The following SOX5 variants were observed in gnomAD, a reference collection of about 807,000 sequenced individuals.
SOX5 encodes the protein SRY-box transcription factor 5.
SOX5 carries 9 observed loss-of-function variants against 92.0 expected under a neutral mutation model. That is an observed-to-expected ratio of 0.10 (90% CI 0.06 to 0.17). SOX5 has a LOEUF of 0.17. Among genes scored for constraint, SOX5 ranks in the 10% least tolerant of loss-of-function variants. SOX5 has a pLI of 1.00. For missense variants in SOX5, 642 were observed against 944.5 expected (o/e 0.68, Z 4.20); for synonymous variants, 344 against 336.3 (o/e 1.02, Z -0.25).
intron 1 of SOX5, among the ~76,000 whole-genome samples, chr12:24,535,321 A>G (rs993015625): frequency 6.6e-6 from 1 of 152,160 alleles, no homozygotes; most frequent in African/African-American, 2.4e-5. Flanking sequence ...ATGAAAAACA[A>G]CCCTTCATAA....
At chr12:24,086,480 A>T (rs1175009902) in intron 4 of SOX5, among the ~76,000 whole-genome samples, 1 of 151,864 alleles carries the variant, frequency 6.6e-6, no homozygotes, top group African/African-American at 2.4e-5. Flanking sequence ...TTTGTAAATA[A>T]TGAGGGGCAG....
At chr12:23,845,174 G>A (rs185063781) in intron 3 of SOX5, among the ~76,000 whole-genome samples, 1 of 152,310 alleles carries the variant, frequency 6.6e-6, no homozygotes, top group African/African-American at 2.4e-5. Context: ...TATAAAGTAT[G>A]TCTGCACATC....
intron 9 of SOX5, among the ~76,000 whole-genome samples, chr12:23,594,756 C>T (rs1353747281): frequency 6.6e-6 from 1 of 152,048 alleles, no homozygotes; most frequent in African/African-American, 2.4e-5. Flanking sequence ...GACTCTTTAT[C>T]ATTCTCCTTC....
chr12:24,148,879 GAGGGA>G, intron 4 of SOX5, among the ~76,000 whole-genome samples: 1 of 151,776 alleles, frequency 6.6e-6, no homozygotes, highest in Admixed American at 6.6e-5. Context: ...GACAGAGGGA[GAGGGA>G]GACTGTCTCT....
intron 4 of SOX5, among the ~76,000 whole-genome samples, chr12:24,022,366 G>A (rs1379924601): frequency 6.6e-6 from 1 of 152,084 alleles, no homozygotes; most frequent in East Asian, 1.9e-4. Flanking sequence ...GAACTTAGGT[G>A]GCAAGGCAGA....
At chr12:23,552,731 C>T (rs1053360854) in intron 11 of SOX5, among the ~76,000 whole-genome samples, 3 of 151,912 alleles carry the variant, frequency 2.0e-5, no homozygotes, top group Admixed American at 1.3e-4. Flanking sequence ...ATTGAATGGG[C>T]TGTCTCAGGA....
intron 1 of SOX5, among the ~76,000 whole-genome samples, chr12:24,392,810 C>T (rs997324591): frequency 6.6e-5 from 10 of 152,046 alleles, no homozygotes; most frequent in Admixed American, 6.6e-4. Context: ...TGAATGAGTA[C>T]CCCAAAGGAA....
chr12:24,160,246 C>A (rs541194054), intron 4 of SOX5, among the ~76,000 whole-genome samples: 1 of 151,964 alleles, frequency 6.6e-6, no homozygotes, highest in East Asian at 1.9e-4. Context: ...TTAAATTTTA[C>A]AATATTCCTG....
At chr12:23,720,076 A>G (rs2092729953) in intron 6 of SOX5, among the ~76,000 whole-genome samples, 1 of 152,194 alleles carries the variant, frequency 6.6e-6, no homozygotes, top group Admixed American at 6.5e-5. Context: ...GTTAATCACA[A>G]AAAAGACTCA....
In SOX5 at chr12:23,693,840, C is replaced by G. The variant is rs1017832949; in HGVS notation, c.811-28276G>C. On this transcript the variant is annotated intron_variant, in intron 6 of 14. Coordinates refer to ENST00000451604, the MANE Select transcript of SOX5 (RefSeq NM_006940.6). ...AAACTATGCTTATTTTTCACAGAGA[C>G]TTAGAATTATTAAAACGTTTTTAAT... Among the ~76,000 whole-genome samples the G allele has an allele frequency of 3.3e-5, 5 of 152,246 alleles. 1 individual carries two copies. The highest frequency in any genetic ancestry group is 1.2e-4 in the African/African-American group (5 of 41,560).
chr12:23,672,335 T>C (rs995583351), intron 6 of SOX5, among the ~76,000 whole-genome samples: 1 of 152,184 alleles, frequency 6.6e-6, no homozygotes, highest in East Asian at 1.9e-4. Context: ...AAATATTGCA[T>C]TGAAGAACTC....
In SOX5 at chr12:23,823,883, G is replaced by A. The variant is rs12312920; in HGVS notation, c.481+22100C>T. Among the ~76,000 whole-genome samples the A allele has an allele frequency of 7.4e-3, 1,124 of 152,122 alleles. 8 individuals are homozygous for A. Among genetic ancestry groups the A allele is most frequent in the Middle Eastern group, 0.027 (8 of 294 alleles). On this transcript the variant is annotated intron_variant, in intron 3 of 14. Coordinates refer to ENST00000451604, the MANE Select transcript of SOX5 (RefSeq NM_006940.6). The stretch of plus-strand genomic sequence containing the variant: ...TTAAGTTGATCTTCAATCTCTGATA[G>A]CCTTTCTTTCGTTTATTTGATTCAG...
chr12:24,043,298 T>G (rs1386137634), intron 4 of SOX5, among the ~76,000 whole-genome samples: 1 of 152,168 alleles, frequency 6.6e-6, no homozygotes, highest in Non-Finnish European at 1.5e-5. Flanking sequence ...TAACTGGTAT[T>G]TATTTGGTAC....
rs114679142 is a variant in SOX5, at chr12:23,766,498, T to C, written c.482-10774A>G. ...ATATTTTGTTTGAATCCCAGGAATC[T>C]GAACTTTTCTAAGACTTAAGGTAAT... On this transcript the variant is annotated intron_variant, in intron 3 of 14. Transcript: ENST00000451604. Among the ~76,000 whole-genome samples, 1,243 of 152,270 alleles carry C rather than the reference T, an allele frequency of 8.2e-3. 15 individuals are homozygous for C. Among genetic ancestry groups the C allele is most frequent in the African/African-American group, 0.028 (1,152 of 41,562 alleles).
chr12:24,486,259 GTGAAA>G (rs1451605751), intron 1 of SOX5, among the ~76,000 whole-genome samples: 102 of 152,212 alleles, frequency 6.7e-4, no homozygotes, highest in African/African-American at 2.3e-3. Flanking sequence ...AGTAGATAAT[GTGAAA>G]CTCAAGGATC....
At chr12:24,324,262 A>G (rs892517095) in intron 2 of SOX5, among the ~76,000 whole-genome samples, 10 of 152,070 alleles carry the variant, frequency 6.6e-5, no homozygotes, top group African/African-American at 2.4e-4. Context: ...ACAATGTTCT[A>G]CTTTTCTGGG....
chr12:23,824,997 T>C (rs116721089), intron 3 of SOX5, among the ~76,000 whole-genome samples: 2,104 of 152,234 alleles, frequency 0.014, 52 homozygotes, highest in African/African-American at 0.048. Context: ...CAGTGAGAAT[T>C]AGATGCCAGT....
At position 24,538,679 on chromosome 12, in the gene SOX5, C is replaced by CT. The variant is rs199778600; in HGVS notation, c.-251+23649dup. ...CAGACTCTAATATTTTTTTCTTCCA[C>CT]TTAGAGCCTTTTAAGAAACAAAGTT... On this transcript the variant is annotated intron_variant, in intron 1 of 4. Coordinates refer to the SOX5 transcript ENST00000446891. 4.0e-3 allele frequency among the ~76,000 whole-genome samples: 600 copies of CT among 151,854 alleles called. 1 individual carries two copies. The Middle Eastern group carries it at 0.048, about 12-fold the overall frequency.
At chr12:24,290,978 A>G (rs1192721942) in intron 2 of SOX5, among the ~76,000 whole-genome samples, 1 of 152,234 alleles carries the variant, frequency 6.6e-6, no homozygotes, top group Non-Finnish European at 1.5e-5. Context: ...ACAGGGTTGC[A>G]GTTTGATGGC....
Sources: allele counts gnomAD v4.1 joint callset (sites outside exome capture counted in the v4.1 genomes callset), GRCh38; gene constraint gnomAD v4.1.1; transcripts MANE v1.5; gene names NCBI Gene and HGNC (gene_info 2026-07-23, HGNC 2026-07-21).